The following IDS variants were observed in gnomAD, a reference collection of about 807,000 sequenced individuals.
The protein encoded by IDS is alpha-L-iduronate sulfate sulfatase.
IDS carries 1 observed loss-of-function variant against 33.5 expected under a neutral mutation model. The ratio of observed to expected loss-of-function variants is 0.03; its 90% CI spans 0.01 to 0.14. The LOEUF (loss-of-function observed/expected upper bound fraction) is 0.14. Among genes scored for constraint, IDS ranks in the 10% least tolerant of loss-of-function variants. The pLI is 1.00. For synonymous variants in IDS, 191 were observed against 184.4 expected (o/e 1.04, Z -0.29); for missense variants, 328 against 448.0 (o/e 0.73, Z 2.42).
In IDS at chrX:149,505,214, G is replaced by GAT; in HGVS notation, c.-78_-77insAT. Reference sequence around the variant, plus strand: ...GGCGCAGTTAGCAGCCGCCGCCGCAGCCACAGAGACCTCCTCGTCGGGAAC... The same window carrying GAT: ...GGCGCAGTTAGCAGCCGCCGCCGCAGATCCACAGAGACCTCCTCGTCGGGAAC... On this transcript the variant is annotated 5_prime_UTR_variant, in exon 1 of 9. The change abolishes the stop of an existing upstream ORF in the 5' untranslated region. Transcript: ENST00000340855. 7 of 728,190 alleles carry GAT rather than the reference G, an allele frequency of 9.6e-6. No individual in the cohort carries two copies. Among genetic ancestry groups the GAT allele is most frequent in the Admixed American group, 6.0e-5 (2 of 33,539 alleles). 60.0% of individuals were successfully genotyped at this position (728,190 alleles called of 1,213,427 possible).
At chrX:149,498,022 G>A in intron 5 of IDS, 85 bp downstream of exon 5, 1 of 859,988 alleles carries the variant, frequency 1.2e-6, no homozygotes, top group Non-Finnish European at 1.7e-6. Flanking sequence ...GCAGGATGTA[G>A]CCACCTTCCC....
Position 149,498,179 on chromosome X carries a change from C to T in IDS, c.636G>A (p.Met212Ile), listed in dbSNP as rs1557339525. The T allele has an allele frequency of 2.5e-6, 3 of 1,210,479 alleles. No individual in the cohort carries two copies. Among genetic ancestry groups the T allele is most frequent in the African/African-American group, 3.5e-5 (2 of 57,288 alleles). The stretch of plus-strand genomic sequence containing the variant: ...GGAAGAAAGGACTGGCTGACGTTTT[C>T]ATCTTTTCCAACAACTGTATGGCTT... ...TEQAIQLLEK[M>I]KTSASPFFLA... The change falls in exon 5 of 9, where the codon ATG becomes ATA. Residue 212 changes from methionine (M) to isoleucine (I), a missense_variant. Transcript: ENST00000340855.
intron 1 of IDS, 78 bp from the exon 2 acceptor site, chrX:149,504,371 T>A: frequency 9.5e-7 from 1 of 1,047,554 alleles, no homozygotes; most frequent in Non-Finnish European, 1.3e-6. Context: ...GCTAGGTTAC[T>A]AAGAGGCCCA....
At chrX:149,492,620 C>A (rs1368936698) in intron 6 of IDS, among the ~76,000 whole-genome samples, 12 of 110,690 alleles carry the variant, frequency 1.1e-4, no homozygotes, top group African/African-American at 4.0e-4. Context: ...TCACTGAGGT[C>A]TTTCAAGGCG....
chrX:149,490,578 G>T (rs1301796915), intron 6 of IDS, 138 bp from the exon 7 acceptor site: 1 of 616,925 alleles, frequency 1.6e-6, no homozygotes, highest in Non-Finnish European at 2.6e-6. Context: ...CAGCCAAAAT[G>T]TAACACTCCT....
rs5936293 is a variant in IDS, at chrX:149,480,636, C to T, written c.*2110G>A. 0.39 allele frequency: 99,937 copies of T among 258,465 alleles called. 14,401 individuals carry two copies. Among genetic ancestry groups the T allele is most frequent in the Non-Finnish European group, 0.45 (65,998 of 147,055 alleles). The allele number at this position is 258,465 out of a possible 1,213,427, so 21.3% of individuals were successfully genotyped here. On this transcript the variant is annotated 3_prime_UTR_variant, in exon 9 of 9. Transcript: ENST00000340855. Reference sequence around the variant, plus strand: ...CTGGGATTACAGGCATGCACCACCACACCCGGCTAACTTTTGTATTTTTAG... The same window carrying T: ...CTGGGATTACAGGCATGCACCACCATACCCGGCTAACTTTTGTATTTTTAG...
Position 149,477,459 on chromosome X carries a change from G to T in IDS, c.*5287C>A, listed in dbSNP as rs1412001612. ...CAGCCACCTCATCTGGAACCAACTT[G>T]TCGGTTTGTTCTCTCCCACCCAAAC... is the stretch of plus-strand genomic sequence containing the variant. On this transcript the variant is annotated 3_prime_UTR_variant, in exon 9 of 9. Coordinates refer to ENST00000340855, the MANE Select transcript of IDS (RefSeq NM_000202.8). The T allele has an allele frequency of 8.9e-6, 1 of 112,603 alleles. No individual in the cohort carries two copies. The highest frequency in any genetic ancestry group is 3.2e-5 in the African/African-American group (1 of 30,922). The allele number at this position is 112,603 out of a possible 1,213,427, so 9.3% of individuals were successfully genotyped here.
At chrX:149,488,221 C>T (rs1375107012) in intron 7 of IDS, among the ~76,000 whole-genome samples, 5 of 103,795 alleles carry the variant, frequency 4.8e-5, no homozygotes, top group African/African-American at 7.3e-5. Flanking sequence ...CCCTGACACC[C>T]GCCCCAGTCA....
Position 149,505,253 on chromosome X carries a change from G to GC in IDS, c.-117dup. On this transcript the variant is annotated 5_prime_UTR_variant, in exon 1 of 9. Coordinates refer to ENST00000340855, the MANE Select transcript of IDS (RefSeq NM_000202.8). ...CTCGTCGGGAACCCATGAAGACTGC[G>GC]CAACACAGCCGCCGCCCGGGCCCGC... 2.4e-6 allele frequency: 1 copy of GC among 415,447 alleles called. No individual in the cohort carries two copies. Among genetic ancestry groups the GC allele is most frequent in the East Asian group, 4.5e-5 (1 of 22,090 alleles). 34.2% of individuals were successfully genotyped at this position (415,447 alleles called of 1,213,427 possible).
intron 8 of IDS, among the ~76,000 whole-genome samples, chrX:149,486,047 A>G (rs1355611727): frequency 9.0e-6 from 1 of 111,718 alleles, no homozygotes; most frequent in Non-Finnish European, 1.9e-5. Context: ...TAGTTCATAG[A>G]AGAGGCACTC....
intron 3 of IDS, among the ~76,000 whole-genome samples, chrX:149,501,830 A>C (rs782144876): frequency 1.8e-5 from 2 of 111,561 alleles, no homozygotes; most frequent in Non-Finnish European, 3.8e-5. Flanking sequence ...AGGAATGGAG[A>C]GAAAGAGGGC....
In IDS at chrX:149,487,058, G is replaced by A. The variant is rs375836575; in HGVS notation, c.1047C>T (p.Ser349=). 31 of 1,209,578 alleles carry A rather than the reference G, an allele frequency of 2.6e-5. No homozygotes were observed. The highest frequency in any genetic ancestry group is 3.5e-5 in the Non-Finnish European group (31 of 894,887). The change falls in exon 8 of 9, where the codon AGC becomes AGT. Residue 349 remains serine, a synonymous_variant. Transcript: ENST00000340855. ...GAACATGGGTAGCAACATCAAAATTGCTGTATTTGGCCCATTCTCCATGTT... is the reference window on the plus strand; with the variant it reads ...GAACATGGGTAGCAACATCAAAATTACTGTATTTGGCCCATTCTCCATGTT... ...LGEHGEWAKY[S]NFDVATHVPL...
At chrX:149,486,302 G>C (rs782138553) in intron 8 of IDS, among the ~76,000 whole-genome samples, 3 of 111,905 alleles carry the variant, frequency 2.7e-5, no homozygotes, top group Non-Finnish European at 5.6e-5. Context: ...TGAAGGGCTG[G>C]GGATTTCAGC....
In IDS at chrX:149,482,736, T is replaced by C; in HGVS notation, c.*10A>G. Reference sequence around the variant, plus strand: ...AGCACATCACATTTGCCATCCATGGTTGGCAAAACTCAAGGCATCAACAAC... The same window carrying C: ...AGCACATCACATTTGCCATCCATGGCTGGCAAAACTCAAGGCATCAACAAC... On this transcript the variant is annotated 3_prime_UTR_variant, in exon 9 of 9. Coordinates refer to ENST00000340855, the MANE Select transcript of IDS (RefSeq NM_000202.8). 8.3e-7 allele frequency: 1 copy of C among 1,211,394 alleles called. No individual in the cohort carries two copies. Among genetic ancestry groups the C allele is most frequent in the Non-Finnish European group, 1.1e-6 (1 of 895,424 alleles).
rs782104862 is a variant in IDS, at chrX:149,478,260, G to T, written c.*4486C>A. The T allele has an allele frequency of 8.9e-6, 1 of 112,024 alleles. No individual in the cohort carries two copies. The highest frequency in any genetic ancestry group is 3.8e-4 in the South Asian group (1 of 2,662). The allele number at this position is 112,024 out of a possible 1,213,427, so 9.2% of individuals were successfully genotyped here. On this transcript the variant is annotated 3_prime_UTR_variant, in exon 9 of 9. Transcript: ENST00000340855. Reference sequence around the variant, plus strand: ...AGTGATTAAAGATTAATGTAGGTTGGGTGTATACCCAAAACAATTAAGAGC... The same window carrying T: ...AGTGATTAAAGATTAATGTAGGTTGTGTGTATACCCAAAACAATTAAGAGC...
intron 4 of IDS, among the ~76,000 whole-genome samples, chrX:149,499,566 A>T (rs781826572): frequency 9.0e-6 from 1 of 110,992 alleles, no homozygotes; most frequent in African/African-American, 3.3e-5. Context: ...AAAATGAGGA[A>T]CGACTGGTAA....
intron 6 of IDS, among the ~76,000 whole-genome samples, chrX:149,495,995 C>T (rs1420357471): frequency 1.8e-5 from 2 of 112,131 alleles, no homozygotes; most frequent in Non-Finnish European, 3.8e-5. Context: ...GGGAGTTGCC[C>T]ATCACTCTAC....
chrX:149,489,635 T>C (rs1164640748), intron 7 of IDS, among the ~76,000 whole-genome samples: 2 of 111,833 alleles, frequency 1.8e-5, no homozygotes, highest in African/African-American at 6.5e-5. Context: ...AGAGGCAATA[T>C]TTTTCAGAGA....
At chrX:149,490,908 C>T (rs782328548) in intron 6 of IDS, among the ~76,000 whole-genome samples, 2 of 111,995 alleles carry the variant, frequency 1.8e-5, no homozygotes, top group African/African-American at 6.5e-5. Flanking sequence ...ACTGTGTCTC[C>T]ATCTTCATGT....
Sources: gnomAD v4.1 joint callset for allele counts (sites outside exome capture counted in the v4.1 genomes callset) on GRCh38, gnomAD v4.1.1 for gene constraint, MANE v1.5 for transcripts, NCBI Gene and HGNC (gene_info 2026-07-23, HGNC 2026-07-21) for gene names.